The following BLTP3A variants were observed in gnomAD, a reference collection of about 807,000 sequenced individuals.
BLTP3A encodes bridge-like lipid transfer protein family member 3A, also known as ICBP90 binding protein 1.
the BLTP3A span, among the ~76,000 whole-genome samples, chr6:34,848,119 C>T: frequency 6.9e-6 from 1 of 145,878 alleles, no homozygotes; most frequent in East Asian, 2.0e-4. Flanking sequence ...TGAGGTTTTG[C>T]CATGTTGCCC....
chr6:34,870,947 A>G, the BLTP3A span: 3 of 1,614,090 alleles, frequency 1.9e-6, no homozygotes, highest in Non-Finnish European at 2.5e-6. Context: ...GCAGCTGTTC[A>G]TTCCCCCCTG....
the BLTP3A span, among the ~76,000 whole-genome samples, chr6:34,809,135 G>T: frequency 4.6e-5 from 7 of 152,346 alleles, no homozygotes; most frequent in African/African-American, 1.7e-4. Context: ...GTTCAGCCAT[G>T]TATTTCCAGC....
the BLTP3A span, among the ~76,000 whole-genome samples, chr6:34,824,094 AC>A: frequency 2.0e-5 from 3 of 151,480 alleles, no homozygotes; most frequent in African/African-American, 7.3e-5. Flanking sequence ...GGCATGCACC[AC>A]CATACCTGGC....
the BLTP3A span, chr6:34,835,359 G>C: frequency 1.2e-6 from 2 of 1,614,130 alleles, no homozygotes; most frequent in Non-Finnish European, 1.7e-6. Context: ...TCTGGGTGCT[G>C]ACTGACTCAC....
At chr6:34,859,501 G>T in the BLTP3A span, 1 of 1,614,158 alleles carries the variant, frequency 6.2e-7, no homozygotes, top group Non-Finnish European at 8.5e-7. Context: ...CCTGACTAAG[G>T]ATGCCTTCAG....
the BLTP3A span, among the ~76,000 whole-genome samples, chr6:34,833,598 C>T: frequency 6.6e-6 from 1 of 151,972 alleles, no homozygotes; most frequent in East Asian, 1.9e-4. Flanking sequence ...TCAAGGTCTT[C>T]CTCTTTTATT....
chr6:34,837,827 A>G, the BLTP3A span, among the ~76,000 whole-genome samples: 1 of 152,200 alleles, frequency 6.6e-6, no homozygotes, highest in South Asian at 2.1e-4. Context: ...TACTAAAACA[A>G]GTATTATTTT....
chr6:34,802,637 A>G, the BLTP3A span, among the ~76,000 whole-genome samples: 1 of 152,252 alleles, frequency 6.6e-6, no homozygotes, highest in South Asian at 2.1e-4. Flanking sequence ...CTGGGATTAC[A>G]GGTGTGAGCC....
the BLTP3A span, among the ~76,000 whole-genome samples, chr6:34,845,305 C>G: frequency 6.6e-6 from 1 of 152,124 alleles, no homozygotes; most frequent in Non-Finnish European, 1.5e-5. Flanking sequence ...GTTTTCTTCT[C>G]TTTGCTCAGC....
the BLTP3A span, among the ~76,000 whole-genome samples, chr6:34,803,233 TA>T: frequency 7.6e-3 from 1,087 of 142,276 alleles, 5 homozygotes; most frequent in South Asian, 0.02. Flanking sequence ...ATTGTAAAGT[TA>T]AAAAAAAAAA....
chr6:34,804,451 C>T, the BLTP3A span, among the ~76,000 whole-genome samples: 5 of 152,088 alleles, frequency 3.3e-5, no homozygotes, highest in Admixed American at 2.6e-4. Flanking sequence ...CCCAGTAATG[C>T]ATTAAGAAGT....
the BLTP3A span, among the ~76,000 whole-genome samples, chr6:34,847,921 C>CTTT: frequency 5.1e-3 from 463 of 91,126 alleles, 10 homozygotes; most frequent in Non-Finnish European, 7.7e-3. Flanking sequence ...TCTTTTTTTC[C>CTTT]TTTTTTTTTT....
the BLTP3A span, among the ~76,000 whole-genome samples, chr6:34,823,641 C>G: frequency 1.7e-4 from 25 of 150,260 alleles, no homozygotes; most frequent in Non-Finnish European, 1.5e-4. Flanking sequence ...CTCCTGGGCT[C>G]AATCAGTCCT....
chr6:34,831,156 C>T, the BLTP3A span, among the ~76,000 whole-genome samples: 305 of 148,964 alleles, frequency 2.0e-3, 1 homozygote, highest in South Asian at 3.1e-3. Context: ...AGACAGAGTT[C>T]CTCTCTTGTC....
chr6:34,839,566 A>G, the BLTP3A span, among the ~76,000 whole-genome samples: 2,606 of 152,316 alleles, frequency 0.017, 34 homozygotes, highest in Non-Finnish European at 0.028. Flanking sequence ...TGTCATGCCC[A>G]GGGTTAGGTT....
At chr6:34,859,607 T>G in the BLTP3A span, 1 of 1,606,844 alleles carries the variant, frequency 6.2e-7, no homozygotes, top group Non-Finnish European at 8.5e-7. Flanking sequence ...TCATCCCATC[T>G]CCTTCTCCTA....
chr6:34,817,785 G>C, the BLTP3A span, among the ~76,000 whole-genome samples: 1 of 151,928 alleles, frequency 6.6e-6, no homozygotes, highest in Non-Finnish European at 1.5e-5. Context: ...ACAATCCTGA[G>C]AAGAGGCCTG....
the BLTP3A span, among the ~76,000 whole-genome samples, chr6:34,836,629 T>C: frequency 2.0e-5 from 3 of 152,180 alleles, no homozygotes; most frequent in African/African-American, 7.2e-5. Flanking sequence ...TCTTCAGTGG[T>C]AGAGTTCAAG....
At chr6:34,836,202 T>G in the BLTP3A span, 2 of 1,614,152 alleles carry the variant, frequency 1.2e-6, no homozygotes, top group Non-Finnish European at 1.7e-6. Context: ...GCCCAGGCAT[T>G]TGGTGGCAGC....
Sources: allele counts gnomAD v4.1 joint callset (sites outside exome capture counted in the v4.1 genomes callset), GRCh38; gene constraint gnomAD v4.1.1; transcripts MANE v1.5; gene names NCBI Gene and HGNC (gene_info 2026-07-23, HGNC 2026-07-21).